Variants in ADCY10 observed in about 807,000 individuals in gnomAD.
ADCY10 encodes adenylate cyclase type 10.
In ADCY10, 156 loss-of-function variants were observed where a neutral mutation model predicts 183.3. That is an observed-to-expected ratio of 0.85 (90% CI 0.75 to 0.97). The LOEUF is 0.97. Among genes scored for constraint, ADCY10 ranks in the 50% least tolerant of loss-of-function variants. The pLI, the probability that ADCY10 is intolerant of heterozygous loss-of-function variation, is 0.00. For missense variants in ADCY10, 1,745 were observed against 1,934.3 expected, an observed-to-expected ratio of 0.90 and a Z score of 1.84; for synonymous variants, 645 against 670.0, an observed-to-expected ratio of 0.96 and a Z score of 0.58.
At chr1:167,835,881 A>T (rs1012038394) in intron 23 of ADCY10, among the ~76,000 whole-genome samples, 4 of 152,126 alleles carry the variant, frequency 2.6e-5, no homozygotes, top group East Asian at 1.9e-4. Context: ...CAAAGACTTC[A>T]TCTCAAAAAC....
At chr1:167,866,999 C>A (rs423507) in intron 14 of ADCY10, among the ~76,000 whole-genome samples, 64,447 of 151,822 alleles carry the variant, frequency 0.42, 17,247 homozygotes, top group African/African-American at 0.76. Context: ...TGACTTTAAT[C>A]AGTACCAAAG....
intron 10 of ADCY10, 59 bp downstream of exon 10, chr1:167,880,432 C>A (rs780514664): frequency 9.4e-5 from 116 of 1,239,638 alleles, no homozygotes; most frequent in Non-Finnish European, 1.2e-4. Context: ...TGCATGCCCT[C>A]CCTACTTATG....
chr1:167,827,784 T>C (rs1663425430), intron 26 of ADCY10, among the ~76,000 whole-genome samples: 1 of 151,516 alleles, frequency 6.6e-6, no homozygotes, highest in Non-Finnish European at 1.5e-5. Context: ...TGTGATCTCA[T>C]CTCACTGCAA....
rs771678044 is a variant in ADCY10, at chr1:167,845,614, C to T, written c.2956G>A (p.Ala986Thr). 2.8e-5 allele frequency: 46 copies of T among 1,614,080 alleles called. No individual in the cohort carries two copies. Among genetic ancestry groups the T allele is most frequent in the Non-Finnish European group, 3.6e-5 (43 of 1,180,036 alleles). ...TTTTTAATGGCATCCATGTCTAAAG[C>T]GTTGAGCCGAATATTCACTGTGAAG... ...HHFTVNIRLN[A>T]LDMDAIKKMA... The change falls in exon 21 of 33, where the codon GCT (alanine) becomes ACT (threonine). Residue 986 changes from alanine to threonine, a missense_variant. Transcript: ENST00000367851.
intron 25 of ADCY10, among the ~76,000 whole-genome samples, chr1:167,832,117 G>C (rs17482924): frequency 5.9e-5 from 9 of 152,062 alleles, no homozygotes; most frequent in Non-Finnish European, 1.3e-4. Flanking sequence ...TAGCTTGCTC[G>C]TAGGAATAGA....
rs573359786 is a variant in ADCY10, at chr1:167,870,669, C to G, written c.1463-259G>C. On this transcript the variant is annotated intron_variant, in intron 13 of 32. Transcript: ENST00000367851. Reference sequence around the variant, plus strand: ...AAAAAAAAAAAAAAAATTAGCCAGACTTGGTGGCGGGTGCCTGTAGTCCCA... The same window carrying G: ...AAAAAAAAAAAAAAAATTAGCCAGAGTTGGTGGCGGGTGCCTGTAGTCCCA... Among the ~76,000 whole-genome samples, 257 of 149,092 alleles carry G rather than the reference C, an allele frequency of 1.7e-3. 2 individuals carry two copies. Among genetic ancestry groups the G allele is most frequent in the African/African-American group, 6.1e-3 (246 of 40,320 alleles).
In ADCY10 at chr1:167,818,318, G is replaced by C. The variant is rs758259398; in HGVS notation, c.4287-51C>G. The C allele has an allele frequency of 2.0e-6, 3 of 1,536,578 alleles. No individual in the cohort carries two copies. In the Admixed American group the frequency reaches 5.0e-5, roughly 26 times the overall value. The stretch of plus-strand genomic sequence containing the variant: ...AAATCAGTATCACCCATTAGGAATA[G>C]GCTGGCTTTCTGAAATGTCTCTCTG... On this transcript the variant is annotated intron_variant, in intron 30 of 32. Transcript: ENST00000367851.
rs762347770 is a variant in ADCY10, at chr1:167,810,927, A to C, written c.4483-14T>G. On this transcript the variant is annotated splice_polypyrimidine_tract_variant and intron_variant, in intron 31 of 32. Transcript: ENST00000367851. ...ATTCTCCAAGTTCTAAAGAAAAAAA[A>C]CCCACAACAGTATATTAGAATTAAA... 5.6e-6 allele frequency: 9 copies of C among 1,613,780 alleles called. No homozygotes were observed. In the East Asian group the frequency reaches 8.9e-5, roughly 16 times the overall value.
rs749527318 is a variant in ADCY10 at position 167,902,051 on chromosome 1, A to G, written c.257T>C (p.Val86Ala). 1.0e-5 allele frequency: 16 copies of G among 1,604,842 alleles called. No homozygotes were observed. In the South Asian group the frequency reaches 1.8e-4, roughly 18 times the overall value. ...CAGGATGTCTCCTCCAAAAATCAAC[A>G]CTTCTGAGAAAAAAAAAAAAAATTA... ...NYHISAIVEK[V>A]LIFGGDILKF... Residue 86 changes from valine to alanine, a missense_variant, in exon 4 of 33, where the codon GTG (valine) becomes GCG (alanine). Coordinates refer to ENST00000367851, the MANE Select transcript of ADCY10 (RefSeq NM_018417.6).
chr1:167,898,103 A>G (rs886200834), intron 6 of ADCY10, among the ~76,000 whole-genome samples: 3 of 151,026 alleles, frequency 2.0e-5, no homozygotes, highest in African/African-American at 4.9e-5. Flanking sequence ...AAAACTGGTG[A>G]CATTCAAATA....
chr1:167,874,660 T>G (rs762252403), intron 13 of ADCY10, among the ~76,000 whole-genome samples: 3 of 152,162 alleles, frequency 2.0e-5, no homozygotes, highest in African/African-American at 4.8e-5. Flanking sequence ...AAAAGACTTG[T>G]GTAAGAATGT....
chr1:167,878,140 T>G (rs1280310994), intron 12 of ADCY10, among the ~76,000 whole-genome samples: 5 of 152,184 alleles, frequency 3.3e-5, no homozygotes, highest in Non-Finnish European at 7.3e-5. Context: ...AAATGGTTGG[T>G]GATTGGGCCC....
Position 167,822,380 on chromosome 1 carries a change from G to A in ADCY10, c.4169-239C>T, listed in dbSNP as rs115778572. Among the ~76,000 whole-genome samples, 651 of 152,304 alleles carry A rather than the reference G, an allele frequency of 4.3e-3. 4 individuals are homozygous for A. Among genetic ancestry groups the A allele is most frequent in the Middle Eastern group, 0.024 (7 of 294 alleles). On this transcript the variant is annotated intron_variant, in intron 29 of 32. Coordinates refer to ENST00000367851, the MANE Select transcript of ADCY10 (RefSeq NM_018417.6). ...CAGTTCCACAGTACCGACCAGGCAG[G>A]TGTGGGGTTTAAACTAATCCTTCCT...
At chr1:167,866,085 A>G (rs751705414) in intron 14 of ADCY10, among the ~76,000 whole-genome samples, 5 of 152,194 alleles carry the variant, frequency 3.3e-5, no homozygotes, top group African/African-American at 7.2e-5. Flanking sequence ...GAGCTTATCA[A>G]TCAGTCAGCC....
chr1:167,822,016 A>G lies in ADCY10; in HGVS notation c.4286+8T>C. 1 of 1,521,886 alleles carries G rather than the reference A, an allele frequency of 6.6e-7. No individual in the cohort carries two copies. The highest frequency in any genetic ancestry group is 9.1e-7 in the Non-Finnish European group (1 of 1,096,124). 94.3% of individuals were successfully genotyped at this position (1,521,886 alleles called of 1,614,324 possible). A position where few individuals can be genotyped will look rare whatever the true frequency, so the allele number is the denominator to read the frequency against. ...TTGGGAATTTAGTGATATGCCACACATTGTTACCAGATAGCTACAGAGGAA... is the reference window on the plus strand; with the variant it reads ...TTGGGAATTTAGTGATATGCCACACGTTGTTACCAGATAGCTACAGAGGAA... On this transcript the variant is annotated splice_region_variant and intron_variant, in intron 30 of 32. Transcript: ENST00000367851.
At chr1:167,880,672 G>A (rs909363477) in intron 9 of ADCY10, 63 bp from the exon 10 acceptor site, 2 of 1,292,040 alleles carry the variant, frequency 1.5e-6, no homozygotes, top group African/African-American at 1.5e-5. Flanking sequence ...GGACTGGCCA[G>A]AAGGCTCAAC....
In ADCY10 at chr1:167,833,959, T is replaced by C. The variant is rs1406359406; in HGVS notation, c.3417+11A>G. 2 of 1,604,602 alleles carry C rather than the reference T, an allele frequency of 1.2e-6. No homozygotes were observed. The highest frequency in any genetic ancestry group is 1.7e-6 in the Non-Finnish European group (2 of 1,171,648). ...ATAACAGATAAATTCAAGTCTTTAA[T>C]GGTTTCTTACCTCACCTTTGAGGCT... On this transcript the variant is annotated intron_variant, in intron 24 of 32. Transcript: ENST00000367851.
chr1:167,913,803 T>C (rs75622083), intron 1 of ADCY10, among the ~76,000 whole-genome samples, 173 bp downstream of exon 1: 3,185 of 152,300 alleles, frequency 0.021, 59 homozygotes, highest in Middle Eastern at 0.061. Context: ...ATTTAAGCCT[T>C]CAAGCTTCTA....
intron 19 of ADCY10, among the ~76,000 whole-genome samples, chr1:167,847,658 G>C (rs1225883879): frequency 6.6e-6 from 1 of 152,110 alleles, no homozygotes; most frequent in Non-Finnish European, 1.5e-5. Context: ...CTGACCTCAA[G>C]TGATCCACCC....
Sources: gnomAD v4.1 joint callset for allele counts (sites outside exome capture counted in the v4.1 genomes callset) on GRCh38, gnomAD v4.1.1 for gene constraint, MANE v1.5 for transcripts, NCBI Gene and HGNC (gene_info 2026-07-23, HGNC 2026-07-21) for gene names.